Variants in ZNF346 observed in about 807,000 individuals in gnomAD.
ZNF346 encodes the protein zinc finger protein 346, also known as double-stranded RNA-binding zinc finger protein JAZ.
ZNF346 carries 23 observed loss-of-function variants against 33.7 expected under a neutral mutation model. The ratio of observed to expected loss-of-function variants is 0.68; its 90% CI spans 0.49 to 0.97. The LOEUF is 0.97. ZNF346 is among the 50% of genes least tolerant of loss of function. The probability of loss-of-function intolerance (pLI) is 0.00; values close to 1 mark genes in which losing one functional copy is unlikely to be tolerated. For synonymous variants in ZNF346, 134 were observed against 142.4 expected, an observed-to-expected ratio of 0.94 and a Z score of 0.42; for missense variants, 340 against 371.1, an observed-to-expected ratio of 0.92 and a Z score of 0.69.
At chr5:177,057,772 CCTT>C (rs1781910464) in intron 5 of ZNF346, among the ~76,000 whole-genome samples, 1 of 150,896 alleles carries the variant, frequency 6.6e-6, no homozygotes, top group Non-Finnish European at 1.5e-5. Context: ...GTGTTCTACA[CCTT>C]CACTCTGAGG....
rs1389061737 is a variant in ZNF346 at position 177,066,318 on chromosome 5, G to A, written c.*1719G>A. On this transcript the variant is annotated 3_prime_UTR_variant, in exon 7 of 7. Coordinates refer to ENST00000358149, the MANE Select transcript of ZNF346 (RefSeq NM_012279.4). ...GAGGGGCAGGAAAGGAGACAAGGAG[G>A]CCAGTATGGACACTGTGTCCAGTAT... Among the ~76,000 whole-genome samples the A allele has an allele frequency of 6.6e-6, 1 of 151,914 alleles. No individual in the cohort carries two copies.
In ZNF346 at chr5:177,064,514, C is replaced by G; in HGVS notation, c.800C>G (p.Ser267Ter). ...HVSGFKHKNQ[S>*]PKTVASSLGQ... is the part of the protein sequence containing the mutation. Reference sequence around the variant, plus strand: ...CCTTTGTTCCTTCTCAAATACAGGTCACCAAAAACAGTGGCATCATCCCTG... The same window carrying G: ...CCTTTGTTCCTTCTCAAATACAGGTGACCAAAAACAGTGGCATCATCCCTG... Residue 267 changes from serine (S) to a stop codon, truncating the protein, a stop_gained and splice_region_variant, in exon 7 of 7, where the codon TCA becomes TGA. Coordinates refer to ENST00000358149, the MANE Select transcript of ZNF346 (RefSeq NM_012279.4). LOFTEE classifies it high-confidence loss of function. 1 of 1,613,862 alleles carries G rather than the reference C, an allele frequency of 6.2e-7. No homozygotes were observed. The highest frequency in any genetic ancestry group is 8.5e-7 in the Non-Finnish European group (1 of 1,179,754).
intron 3 of ZNF346, among the ~76,000 whole-genome samples, chr5:177,043,054 G>A (rs1292920207): frequency 1.3e-5 from 2 of 152,172 alleles, no homozygotes; most frequent in African/African-American, 4.8e-5. Context: ...GTTTCACCAG[G>A]TTGGCCAGGC....
intron 1 of ZNF346, among the ~76,000 whole-genome samples, chr5:177,034,199 CTTTCTTTT>C (rs1386171268): frequency 4.7e-5 from 6 of 127,006 alleles, no homozygotes; most frequent in African/African-American, 2.0e-4. Flanking sequence ...AATTTCCTTT[CTTTCTTTT>C]TTTTTTTTTT....
chr5:177,068,755 C>A (rs910577178), downstream of ZNF346, among the ~76,000 whole-genome samples: 3 of 142,490 alleles, frequency 2.1e-5, no homozygotes, highest in Non-Finnish European at 4.4e-5. Context: ...GGTTGTAGGG[C>A]TCTTTCCAGA....
chr5:177,057,088 A>G (rs1457500412), intron 5 of ZNF346, among the ~76,000 whole-genome samples: 1 of 151,950 alleles, frequency 6.6e-6, no homozygotes, highest in African/African-American at 2.4e-5. Flanking sequence ...AGGCGGGTGG[A>G]TCATCTGAGG....
chr5:177,051,893 A>C (rs1463625937), intron 5 of ZNF346: 2 of 152,240 alleles, frequency 1.3e-5, no homozygotes, highest in Admixed American at 1.3e-4. Flanking sequence ...AGCCAGGCAT[A>C]GTGGCTTATG....
downstream of ZNF346, among the ~76,000 whole-genome samples, chr5:177,070,577 A>G (rs1783454445): frequency 6.6e-6 from 1 of 152,150 alleles, no homozygotes; most frequent in African/African-American, 2.4e-5. Flanking sequence ...CCTACCTCAC[A>G]GGGTGATCAT....
downstream of ZNF346, among the ~76,000 whole-genome samples, chr5:177,070,874 T>C (rs1783468147): frequency 6.6e-6 from 1 of 152,126 alleles, no homozygotes; most frequent in Non-Finnish European, 1.5e-5. Context: ...CCCCTGCTTA[T>C]CCCAGGCCCA....
rs995853995 is a variant in ZNF346 at position 177,067,508 on chromosome 5, C to T, written c.*2909C>T. Among the ~76,000 whole-genome samples, 1 of 152,190 alleles carries T rather than the reference C, an allele frequency of 6.6e-6. No individual in the cohort carries two copies. Among genetic ancestry groups the T allele is most frequent in the East Asian group, 1.9e-4 (1 of 5,198 alleles). ...GCCACCTAGTATGTCAGATTCAGCCCCATCTACCAAGCAAGGAAATGAAGG... is the reference window on the plus strand; with the variant it reads ...GCCACCTAGTATGTCAGATTCAGCCTCATCTACCAAGCAAGGAAATGAAGG... On this transcript the variant is annotated 3_prime_UTR_variant, in exon 7 of 7. Coordinates refer to ENST00000358149, the MANE Select transcript of ZNF346 (RefSeq NM_012279.4).
Position 177,041,887 on chromosome 5 carries a change from A to G in ZNF346, c.372+17A>G. 2 of 1,565,548 alleles carry G rather than the reference A, an allele frequency of 1.3e-6. No homozygotes were observed. Among genetic ancestry groups the G allele is most frequent in the Non-Finnish European group, 1.8e-6 (2 of 1,137,474 alleles). On this transcript the variant is annotated intron_variant, in intron 3 of 6. Transcript: ENST00000358149. The stretch of plus-strand genomic sequence containing the variant: ...TCAGATCAGGTAATACAGCTGCCAT[A>G]TTGAGCCCACTTGCTTCATGATGAA...
At chr5:177,025,394 A>G (rs1487841344) in intron 1 of ZNF346, among the ~76,000 whole-genome samples, 1 of 149,794 alleles carries the variant, frequency 6.7e-6, no homozygotes, top group African/African-American at 2.4e-5. Context: ...TTGTGTGAAC[A>G]TACATTTCAT....
At chr5:177,058,972 T>G (rs955848009) in intron 5 of ZNF346, among the ~76,000 whole-genome samples, 1 of 152,254 alleles carries the variant, frequency 6.6e-6, no homozygotes, top group Admixed American at 6.5e-5. Context: ...TGGCCTCAAG[T>G]GATCCACCCG....
chr5:177,022,803 G>T lies in ZNF346; in HGVS notation c.65G>T (p.Ser22Ile), dbSNP rs370147753. 9.1e-6 allele frequency: 14 copies of T among 1,543,888 alleles called. No individual in the cohort carries two copies. In the African/African-American group the frequency reaches 1.1e-4, roughly 12 times the overall value. Reference protein sequence around the residue: ...ADGGAAGPYSSSELLEGQEPD... With the variant: ...ADGGAAGPYSISELLEGQEPD... ...GGCGGAGCGGCCGGGCCTTACAGCA[G>T]CTCGGAGTTGCTGGAGGGCCAGGAG... The change falls in exon 1 of 7, where the codon AGC becomes ATC. Residue 22 changes from serine to isoleucine, a missense_variant. Transcript: ENST00000358149.
At chr5:177,069,649 G>A (rs1031690956), downstream of ZNF346, among the ~76,000 whole-genome samples, 4 of 152,104 alleles carry the variant, frequency 2.6e-5, no homozygotes, top group Admixed American at 6.6e-5. Context: ...TCCCACCTCA[G>A]CCTCCCAAGT....
rs1319197148 is a variant in ZNF346, at chr5:177,062,112, A to G, written c.758A>G (p.Gln253Arg). The G allele has an allele frequency of 6.2e-7, 1 of 1,614,176 alleles. No homozygotes were observed. Among genetic ancestry groups the G allele is most frequent in the Admixed American group, 1.7e-5 (1 of 60,026 alleles). ...TCKIVLNSIEQYQAHVSGFKH... is the reference protein window; with the variant it reads ...TCKIVLNSIERYQAHVSGFKH... Reference sequence around the variant, plus strand: ...AAGATAGTGCTGAACTCCATAGAACAGTACCAAGCTCATGTCAGCGGCTTC... The same window carrying G: ...AAGATAGTGCTGAACTCCATAGAACGGTACCAAGCTCATGTCAGCGGCTTC... The change falls in exon 6 of 7, where the codon CAG becomes CGG. Residue 253 changes from glutamine to arginine, a missense_variant. Coordinates refer to ENST00000358149, the MANE Select transcript of ZNF346 (RefSeq NM_012279.4).
chr5:177,056,748 C>T (rs938678972), intron 5 of ZNF346, among the ~76,000 whole-genome samples: 12 of 143,476 alleles, frequency 8.4e-5, no homozygotes, highest in African/African-American at 3.1e-4. Context: ...GGGAACATCA[C>T]ACACCCAGGC....
chr5:177,072,355 T>C (rs1335999940), downstream of ZNF346, among the ~76,000 whole-genome samples: 1 of 152,198 alleles, frequency 6.6e-6, no homozygotes, highest in Non-Finnish European at 1.5e-5. Context: ...GTACACCTGA[T>C]GTCAGGCCAG....
intron 1 of ZNF346, among the ~76,000 whole-genome samples, chr5:177,040,109 A>T (rs1163243305): frequency 6.7e-6 from 1 of 149,380 alleles, no homozygotes; most frequent in Non-Finnish European, 1.5e-5. Context: ...TGAACTTGGG[A>T]GGCGGAGCTT....
Sources: gnomAD v4.1 joint callset for allele counts (sites outside exome capture counted in the v4.1 genomes callset) on GRCh38, gnomAD v4.1.1 for gene constraint, MANE v1.5 for transcripts, NCBI Gene and HGNC (gene_info 2026-07-23, HGNC 2026-07-21) for gene names.